Variants in FHIT observed in about 807,000 individuals in gnomAD.
The protein encoded by FHIT is fragile histidine triad diadenosine triphosphatase, also known as bis(5'-adenosyl)-triphosphatase.
Under a neutral mutation model 17.9 loss-of-function variants are expected in FHIT, and 19 were observed. The observed-to-expected ratio is 1.06, with a 90% CI of 0.74 to 1.56. The LOEUF is 1.56. Ranked by LOEUF, FHIT falls within the 40% of genes most tolerant of loss-of-function variation. FHIT has a pLI of 0.00. For missense variants in FHIT, 248 were observed against 189.2 expected, an observed-to-expected ratio of 1.31 and a Z score of -1.82; for synonymous variants, 81 against 69.7, an observed-to-expected ratio of 1.16 and a Z score of -0.81.
intron 5 of FHIT, among the ~76,000 whole-genome samples, chr3:60,430,428 G>A (rs1702841103): frequency 6.6e-6 from 1 of 151,876 alleles, no homozygotes; most frequent in African/African-American, 2.4e-5. Context: ...ACCTTTATGA[G>A]GTGTCTTACT....
intron 2 of FHIT, among the ~76,000 whole-genome samples, chr3:61,061,435 C>T (rs2034425674): frequency 6.6e-6 from 1 of 151,760 alleles, no homozygotes; most frequent in Admixed American, 6.6e-5. Context: ...AATATCTTCA[C>T]CTTTCATAAA....
chr3:60,748,166 G>A (rs2042394991), intron 4 of FHIT, among the ~76,000 whole-genome samples: 1 of 152,144 alleles, frequency 6.6e-6, no homozygotes, highest in Non-Finnish European at 1.5e-5. Flanking sequence ...ATTAGAGAGT[G>A]GGAGATAGGA....
intron 2 of FHIT, among the ~76,000 whole-genome samples, chr3:61,099,077 T>C (rs2106841655): frequency 6.6e-6 from 1 of 152,312 alleles, no homozygotes; most frequent in Non-Finnish European, 1.5e-5. Flanking sequence ...GCTCTTATTA[T>C]TTTGAGGTAT....
At chr3:60,907,283 C>T (rs1706478004) in intron 3 of FHIT, among the ~76,000 whole-genome samples, 1 of 152,138 alleles carries the variant, frequency 6.6e-6, no homozygotes, top group Admixed American at 6.5e-5. Context: ...AGTACTTTGG[C>T]CTACAATGAG....
intron 4 of FHIT, among the ~76,000 whole-genome samples, chr3:60,675,184 T>A (rs1451198108): frequency 6.6e-6 from 1 of 152,206 alleles, no homozygotes; most frequent in Non-Finnish European, 1.5e-5. Flanking sequence ...ATTTTATAGT[T>A]ATTCATGAAA....
At chr3:60,732,806 T>G (rs1414992761) in intron 4 of FHIT, among the ~76,000 whole-genome samples, 2 of 150,326 alleles carry the variant, frequency 1.3e-5, no homozygotes, top group African/African-American at 4.9e-5. Flanking sequence ...CCTGCCTCAG[T>G]CTCCGGAGTA....
chr3:60,071,929 CG>C (rs1702791439), intron 5 of FHIT, among the ~76,000 whole-genome samples: 1 of 152,186 alleles, frequency 6.6e-6, no homozygotes, highest in East Asian at 1.9e-4. Flanking sequence ...CCATGTAAGA[CG>C]TTCCTTTGCT....
At chr3:59,764,474 T>G (rs192574478) in intron 8 of FHIT, among the ~76,000 whole-genome samples, 1 of 152,332 alleles carries the variant, frequency 6.6e-6, no homozygotes, top group East Asian at 1.9e-4. Flanking sequence ...CCTCTGAAGC[T>G]GCTACTCACC....
intron 2 of FHIT, among the ~76,000 whole-genome samples, chr3:61,195,688 T>C (rs1560061031): frequency 6.6e-6 from 1 of 152,196 alleles, no homozygotes; most frequent in Admixed American, 6.5e-5. Flanking sequence ...TTGTAAGTAA[T>C]ATAATGATTA....
At chr3:60,029,957 G>A (rs1700932483) in intron 5 of FHIT, among the ~76,000 whole-genome samples, 1 of 142,360 alleles carries the variant, frequency 7.0e-6, no homozygotes, top group Admixed American at 7.4e-5. Flanking sequence ...GTGCAGCGTG[G>A]CTTTTTGCAG....
chr3:60,732,666 C>A (rs1254626926), intron 4 of FHIT: 1 of 380,232 alleles, frequency 2.6e-6, no homozygotes, highest in South Asian at 2.5e-5. Flanking sequence ...CCGGCAGTGG[C>A]AGCGTCTGCA....
At chr3:61,090,957 T>A (rs2035463201) in intron 2 of FHIT, among the ~76,000 whole-genome samples, 2 of 152,192 alleles carry the variant, frequency 1.3e-5, no homozygotes, top group African/African-American at 2.4e-5. Context: ...TCCATTTGGA[T>A]CCTGCTGGAA....
chr3:60,611,528 C>A (rs1553673599), intron 4 of FHIT, among the ~76,000 whole-genome samples: 1 of 152,180 alleles, frequency 6.6e-6, no homozygotes, highest in Non-Finnish European at 1.5e-5. Flanking sequence ...GCCCCTTAGT[C>A]CAAGCCTTTC....
At chr3:59,947,015 T>C (rs369272835) in intron 7 of FHIT, among the ~76,000 whole-genome samples, 1 of 152,210 alleles carries the variant, frequency 6.6e-6, no homozygotes, top group South Asian at 2.1e-4. Flanking sequence ...ATCAGAAAAA[T>C]GCTGGCCTCA....
At chr3:60,933,347 T>C (rs1462631607) in intron 3 of FHIT, among the ~76,000 whole-genome samples, 13 of 152,350 alleles carry the variant, frequency 8.5e-5, no homozygotes, top group South Asian at 2.1e-4. Context: ...TTTAGTGATA[T>C]ATTTTAGTCC....
chr3:60,087,388 G>T (rs999335372), intron 5 of FHIT, among the ~76,000 whole-genome samples: 1 of 152,142 alleles, frequency 6.6e-6, no homozygotes, highest in Non-Finnish European at 1.5e-5. Context: ...AATTTCACTG[G>T]ACTGGGCAAT....
Position 60,626,783 on chromosome 3 carries a change from C to CTTTTTTTTT in FHIT, c.-17-89805_-17-89804insAAAAAAAAA, listed in dbSNP as rs71627548. On this transcript the variant is annotated intron_variant, in intron 4 of 9. Transcript: ENST00000492590. ...TTCTTCCTTATCTTAGGGGAAAACA[C>CTTTTTTTTT]TCTTTTTTTTTTTTTTTTTTACGTT... Among the ~76,000 whole-genome samples the CTTTTTTTTT allele has an allele frequency of 1.4e-4, 12 of 85,952 alleles. 2 individuals are homozygous for CTTTTTTTTT. The highest frequency in any genetic ancestry group is 2.5e-4 in the Admixed American group (2 of 7,914). 56.4% of individuals were successfully genotyped at this position (85,952 alleles called of 152,430 possible).
chr3:59,770,691 G>A (rs997671827), intron 8 of FHIT, among the ~76,000 whole-genome samples: 5 of 152,080 alleles, frequency 3.3e-5, no homozygotes, highest in Admixed American at 1.3e-4. Context: ...ACTTGATTAC[G>A]GCAGCCCTAG....
intron 5 of FHIT, among the ~76,000 whole-genome samples, chr3:60,369,922 A>G (rs1267528486): frequency 6.6e-6 from 1 of 152,236 alleles, no homozygotes; most frequent in Non-Finnish European, 1.5e-5. Flanking sequence ...TATTTTACAG[A>G]AAATCTTTTA....
Sources: allele counts gnomAD v4.1 joint callset (sites outside exome capture counted in the v4.1 genomes callset), GRCh38; gene constraint gnomAD v4.1.1; transcripts MANE v1.5; gene names NCBI Gene and HGNC (gene_info 2026-07-23, HGNC 2026-07-21).